Variants in BDH1 observed in about 807,000 individuals in gnomAD.
BDH1 encodes the protein D-beta-hydroxybutyrate dehydrogenase, mitochondrial.
In BDH1, 30 loss-of-function variants were observed where a neutral mutation model predicts 33.1. That is an observed-to-expected ratio of 0.91 (90% confidence interval 0.68 to 1.23). BDH1 has a LOEUF of 1.23. BDH1 is among the 50% of genes most tolerant of loss of function. BDH1 has a pLI of 0.00. For synonymous variants in BDH1, 190 were observed against 183.6 expected, an observed-to-expected ratio of 1.03 and a Z score of -0.28; for missense variants, 443 against 464.4, an observed-to-expected ratio of 0.95 and a Z score of 0.42.
At position 197,514,194 on chromosome 3, in the gene BDH1, T is replaced by G. The variant is rs768312968; in HGVS notation, c.562+70A>C. ...ACATTGGAGCTGCTGGGACAGGTAT[T>G]TCCATTCTGAGCAAAGATGAACACG... On this transcript the variant is annotated intron_variant, in intron 7 of 7. Transcript: ENST00000392379. This position sits in a 1 kb window ranked among gnomAD's most constrained non-coding sequence, Gnocchi z 4.2. The G allele has an allele frequency of 5.2e-6, 8 of 1,539,056 alleles. No homozygotes were observed. The highest frequency in any genetic ancestry group is 6.2e-6 in the Non-Finnish European group (7 of 1,137,242).
At chr3:197,560,678 C>G (rs1214914513), upstream of BDH1, among the ~76,000 whole-genome samples, 2 of 152,108 alleles carry the variant, frequency 1.3e-5, no homozygotes, top group Non-Finnish European at 2.9e-5. Flanking sequence ...TTTACTGCAC[C>G]AAGGAACAAG....
upstream of BDH1, among the ~76,000 whole-genome samples, chr3:197,560,913 C>A (rs1232288568): frequency 1.3e-5 from 2 of 151,770 alleles, no homozygotes; most frequent in Non-Finnish European, 1.5e-5. Flanking sequence ...GACCTGGAAC[C>A]CACCTCCCTG....
At chr3:197,539,630 G>A (rs35307759) in intron 3 of BDH1, among the ~76,000 whole-genome samples, 35,812 of 152,160 alleles carry the variant, frequency 0.24, 4,898 homozygotes, top group African/African-American at 0.37. Flanking sequence ...TAAGATCAGC[G>A]CTTGGGATAC....
chr3:197,552,343 CA>C (rs746202382), intron 2 of BDH1, among the ~76,000 whole-genome samples: 10 of 152,322 alleles, frequency 6.6e-5, no homozygotes, highest in Admixed American at 3.9e-4. Context: ...TCTCCGCTTC[CA>C]CTGTAGTTCC....
intron 3 of BDH1, among the ~76,000 whole-genome samples, chr3:197,537,454 T>C (rs1366576599): frequency 6.6e-6 from 1 of 152,238 alleles, no homozygotes; most frequent in East Asian, 1.9e-4. Context: ...TACACAATCA[T>C]GTAATCTGCA....
In BDH1 at chr3:197,533,527, G is replaced by A; in HGVS notation, c.118C>T (p.Pro40Ser). The A allele has an allele frequency of 6.2e-7, 1 of 1,614,260 alleles. No individual in the cohort carries two copies. Among genetic ancestry groups the A allele is most frequent in the South Asian group, 1.1e-5 (1 of 91,090 alleles). The change falls in exon 4 of 8, where the codon CCG (proline) becomes TCG (serine). Residue 40 changes from proline (P) to serine (S), a missense_variant. Coordinates refer to ENST00000392379, the MANE Select transcript of BDH1 (RefSeq NM_203314.3). The part of the protein sequence containing the change: ...PLLLGSTSFI[P>S]IGRRTYASAA... The stretch of plus-strand genomic sequence containing the variant: ...CTGGCATAAGTCCGACGGCCAATCG[G>A]GATAAAGGAAGTAGAACCAAGCAAT...
At chr3:197,569,702 A>G (rs1259084980) in intron 1 of BDH1, among the ~76,000 whole-genome samples, 2 of 152,184 alleles carry the variant, frequency 1.3e-5, no homozygotes, top group South Asian at 4.1e-4. Context: ...ACCATGTAAG[A>G]CGTGCCTTTT....
In BDH1 at chr3:197,510,599, G is replaced by GGGTGTGTGTGTGTGTGTGTGTGT; in HGVS notation, c.*1295_*1296insACACACACACACACACACACACC. ...CCACGCTGAAGCCCTGCAGAACAGGGGTGTGTGTGTGTGTGTGTGTGTGTG... is the reference window on the plus strand; with the variant it reads ...CCACGCTGAAGCCCTGCAGAACAGGGGGTGTGTGTGTGTGTGTGTGTGTGTGTGTGTGTGTGTGTGTGTGTGTG... On this transcript the variant is annotated 3_prime_UTR_variant, in exon 8 of 8. Transcript: ENST00000392379. 1 of 75,376 alleles carries GGGTGTGTGTGTGTGTGTGTGTGT rather than the reference G, an allele frequency of 1.3e-5. No homozygotes were observed. The highest frequency in any genetic ancestry group is 6.1e-5 in the African/African-American group (1 of 16,436). 4.7% of individuals were successfully genotyped at this position (75,376 alleles called of 1,614,324 possible).
At chr3:197,569,066 G>A (rs9825388) in intron 1 of BDH1, among the ~76,000 whole-genome samples, 290 of 152,320 alleles carry the variant, frequency 1.9e-3, no homozygotes, top group Middle Eastern at 3.4e-3. Flanking sequence ...CACATTGACA[G>A]TTAGCAGGTT....
chr3:197,561,597 A>G (rs1717263551), intron 1 of BDH1, among the ~76,000 whole-genome samples: 1 of 151,996 alleles, frequency 6.6e-6, no homozygotes, highest in Admixed American at 6.5e-5. Context: ...TTTCTCCTTT[A>G]CCATTAGAGT....
intron 1 of BDH1, among the ~76,000 whole-genome samples, chr3:197,566,346 G>C (rs1176068046): frequency 6.6e-6 from 1 of 152,212 alleles, no homozygotes; most frequent in Non-Finnish European, 1.5e-5. Flanking sequence ...TGTCTACACA[G>C]CCATTGTAAA....
At position 197,528,892 on chromosome 3, in the gene BDH1, A is replaced by T. The variant is rs753305859; in HGVS notation, c.267+3520T>A. 4 of 152,246 alleles carry T rather than the reference A, an allele frequency of 2.6e-5. No individual in the cohort carries two copies. The highest frequency in any genetic ancestry group is 5.9e-5 in the Non-Finnish European group (4 of 68,074). The allele number at this position is 152,246 out of a possible 1,614,324, so 9.4% of individuals were successfully genotyped here. ...GCCCTTTTGAAGAGTCTTCTGCAGC[A>T]TCGAGCAGCCTCTGCCCTGTGCTGT... On this transcript the variant is annotated intron_variant, in intron 5 of 7. Transcript: ENST00000392379. This position sits in a 1 kb window ranked among gnomAD's most constrained non-coding sequence, Gnocchi z 5.1.
At position 197,511,937 on chromosome 3, in the gene BDH1, G is replaced by A. The variant is rs1330479259; in HGVS notation, c.990C>T (p.Thr330=). The A allele has an allele frequency of 7.6e-6, 12 of 1,583,526 alleles. No homozygotes were observed. The highest frequency in any genetic ancestry group is 1.0e-5 in the Non-Finnish European group (12 of 1,162,180). ...TGTCGGAGATGGCTCCAGGCAAGTGGGTCATGATCTGCATTCGCAGCCACC... is the reference window on the plus strand; with the variant it reads ...TGTCGGAGATGGCTCCAGGCAAGTGAGTCATGATCTGCATTCGCAGCCACC... ...YYWWLRMQIM[T]HLPGAISDMI... is the part of the protein sequence containing the mutation. Residue 330 remains threonine, a synonymous_variant, in exon 8 of 8, where the codon ACC becomes ACT. Coordinates refer to ENST00000392379, the MANE Select transcript of BDH1 (RefSeq NM_203314.3).
intron 1 of BDH1, among the ~76,000 whole-genome samples, chr3:197,571,416 T>C (rs1717602709): frequency 6.6e-6 from 1 of 152,170 alleles, no homozygotes; most frequent in Non-Finnish European, 1.5e-5. Context: ...TTTGACTCTG[T>C]CCCCACCCAA....
Position 197,510,713 on chromosome 3 carries a change from GTGTGTACA to G in BDH1, c.*1174_*1181del, listed in dbSNP as rs1711928771. The G allele has an allele frequency of 4.2e-5, 5 of 119,034 alleles. No individual in the cohort carries two copies. Among genetic ancestry groups the G allele is most frequent in the African/African-American group, 1.8e-4 (5 of 27,712 alleles). 7.4% of individuals were successfully genotyped at this position (119,034 alleles called of 1,614,324 possible). On this transcript the variant is annotated 3_prime_UTR_variant, in exon 8 of 8. Transcript: ENST00000392379. ...TGTGTGTGTGTGTGTGTGTGTGTGT[GTGTGTACA>G]TGTGTGTAAGCACCACGTGAGGCAA... is the stretch of plus-strand genomic sequence containing the variant.
At position 197,512,245 on chromosome 3, in the gene BDH1, G is replaced by A; in HGVS notation, c.682C>T (p.Pro228Ser). The A allele has an allele frequency of 6.2e-7, 1 of 1,613,596 alleles. No individual in the cohort carries two copies. The highest frequency in any genetic ancestry group is 8.5e-7 in the Non-Finnish European group (1 of 1,180,032). ...FSDCLRYEMYPLGVKVSVVEP... is the reference protein window; with the variant it reads ...FSDCLRYEMYSLGVKVSVVEP... Reference sequence around the variant, plus strand: ...ACCACGCTGACCTTCACGCCCAGGGGGTACATCTCATAGCGCAGGCAGTCC... The same window carrying A: ...ACCACGCTGACCTTCACGCCCAGGGAGTACATCTCATAGCGCAGGCAGTCC... The change falls in exon 8 of 8, where the codon CCC becomes TCC. Residue 228 changes from proline (P) to serine (S), a missense_variant. Pro to Ser is a moderately conservative substitution (Grantham distance 74). Transcript: ENST00000392379.
At chr3:197,569,659 T>G (rs1277804177) in intron 1 of BDH1, among the ~76,000 whole-genome samples, 1 of 152,170 alleles carries the variant, frequency 6.6e-6, no homozygotes, top group Admixed American at 6.5e-5. Flanking sequence ...GGAAACCCCT[T>G]TTGCTTGGCT....
intron 2 of BDH1, among the ~76,000 whole-genome samples, chr3:197,552,612 C>T (rs1376075763): frequency 6.6e-6 from 1 of 152,196 alleles, no homozygotes; most frequent in Non-Finnish European, 1.5e-5. Context: ...ACTGTTCCCT[C>T]TACCTAGAAC....
At chr3:197,549,205 C>T (rs963743804) in intron 2 of BDH1, among the ~76,000 whole-genome samples, 1 of 152,148 alleles carries the variant, frequency 6.6e-6, no homozygotes, top group African/African-American at 2.4e-5. Flanking sequence ...AGGGACCAAA[C>T]TCATAAGATA....
Sources: gnomAD v4.1 joint callset for allele counts (sites outside exome capture counted in the v4.1 genomes callset) on GRCh38, gnomAD v4.1.1 for gene constraint, Gnocchi (gnomAD v3.1) non-coding constraint, MANE v1.5 for transcripts, NCBI Gene and HGNC (gene_info 2026-07-23, HGNC 2026-07-21) for gene names.